The following OSBPL1A variants were observed in gnomAD, a reference collection of about 807,000 sequenced individuals.
The protein encoded by OSBPL1A is oxysterol-binding protein-related protein 1.
In OSBPL1A, 80 loss-of-function variants were observed where a neutral mutation model predicts 137.1. The observed-to-expected ratio is 0.58, with a 90% CI of 0.49 to 0.70. The LOEUF (loss-of-function observed/expected upper bound fraction) is 0.70, where lower values mean the gene tolerates loss of function less well. Ranked by LOEUF, OSBPL1A falls within the 30% of genes least tolerant of loss-of-function variation. The pLI, the probability that OSBPL1A is intolerant of heterozygous loss-of-function variation, is 0.00. For missense variants in OSBPL1A, 970 were observed against 1,129.4 expected (o/e 0.86, Z 2.02); for synonymous variants, 365 against 389.7 (o/e 0.94, Z 0.75).
chr18:24,184,580 T>A (rs1037535893), intron 18 of OSBPL1A, among the ~76,000 whole-genome samples: 1 of 152,196 alleles, frequency 6.6e-6, no homozygotes, highest in African/African-American at 2.4e-5. Context: ...AATGTACTGC[T>A]CACAACCGAG....
At chr18:24,323,263 C>T (rs1418953748) in intron 7 of OSBPL1A, among the ~76,000 whole-genome samples, 1 of 151,784 alleles carries the variant, frequency 6.6e-6, no homozygotes, top group African/African-American at 2.4e-5. Context: ...ATAAAAAATA[C>T]AAAAAGAGAC....
Position 24,341,588 on chromosome 18 carries a change from T to C in OSBPL1A, c.353A>G (p.Lys118Arg). The C allele has an allele frequency of 1.9e-6, 3 of 1,613,492 alleles. No homozygotes were observed. The highest frequency in any genetic ancestry group is 2.5e-6 in the Non-Finnish European group (3 of 1,179,698). The change falls in exon 5 of 28, where the codon AAA (lysine) becomes AGA (arginine). Residue 118 changes from lysine (K) to arginine (R), a missense_variant. By Grantham distance (26) the Lys-to-Arg change is conservative (BLOSUM62 2). Coordinates refer to ENST00000319481, the MANE Select transcript of OSBPL1A (RefSeq NM_080597.4). ...GATTTCTTCAGCATGAGTAACTTCT[T>C]TTGCTGTCTGTCCACTCCCATTAAC... ...TIVNGSGQTA[K>R]EVTHAEEIRS...
At chr18:24,287,735 G>T (rs1407616659) in intron 14 of OSBPL1A, among the ~76,000 whole-genome samples, 2 of 149,064 alleles carry the variant, frequency 1.3e-5, no homozygotes, top group African/African-American at 2.5e-5. Context: ...TCGTGCCACT[G>T]CACTCCAGCC....
chr18:24,307,584 C>T lies in OSBPL1A; in HGVS notation c.1093-3866G>A, dbSNP rs188081739. Among the ~76,000 whole-genome samples the T allele has an allele frequency of 1.6e-3, 237 of 152,286 alleles. 1 individual carries two copies. The highest frequency in any genetic ancestry group is 5.2e-3 in the African/African-American group (218 of 41,556). ...TACACAAATATATATGTGTACATCC[C>T]TGTTTTTTTTCCTCCCAAGTAGTAT... On this transcript the variant is annotated intron_variant, in intron 13 of 27. Coordinates refer to ENST00000319481, the MANE Select transcript of OSBPL1A (RefSeq NM_080597.4).
intron 17 of OSBPL1A, among the ~76,000 whole-genome samples, chr18:24,204,866 A>C (rs2087326235): frequency 6.6e-6 from 1 of 152,080 alleles, no homozygotes; most frequent in Non-Finnish European, 1.5e-5. Context: ...TCCAGCTTCT[A>C]TCTCGGTTCA....
At chr18:24,315,628 T>C (rs2090707191) in intron 11 of OSBPL1A, among the ~76,000 whole-genome samples, 1 of 76,988 alleles carries the variant, frequency 1.3e-5, no homozygotes. Context: ...TATAATTAAT[T>C]ATATATATTA....
At chr18:24,355,233 A>T (rs918259484) in intron 4 of OSBPL1A, among the ~76,000 whole-genome samples, 1 of 151,672 alleles carries the variant, frequency 6.6e-6, no homozygotes. Context: ...CCCACTTATT[A>T]AGGCTCACGC....
chr18:24,178,216 A>G (rs751355069), intron 20 of OSBPL1A, 21 bp from the exon 21 acceptor site: 10 of 1,522,068 alleles, frequency 6.6e-6, no homozygotes, highest in Non-Finnish European at 8.0e-6. Context: ...AAAAAAAAAA[A>G]AAAAGAAAAA....
chr18:24,183,624 C>T (rs1244156588), intron 18 of OSBPL1A, among the ~76,000 whole-genome samples: 1 of 151,546 alleles, frequency 6.6e-6, no homozygotes, highest in Admixed American at 6.6e-5. Context: ...TTAGTAGAGA[C>T]GGGGTTTCAC....
intron 1 of OSBPL1A, among the ~76,000 whole-genome samples, chr18:24,386,504 A>G (rs1245943353): frequency 1.3e-5 from 2 of 152,238 alleles, no homozygotes; most frequent in East Asian, 3.8e-4. Flanking sequence ...ATGAAACTTT[A>G]GACTTAACCA....
chr18:24,311,047 C>T (rs989279194), intron 13 of OSBPL1A, among the ~76,000 whole-genome samples: 1 of 152,156 alleles, frequency 6.6e-6, no homozygotes, highest in Admixed American at 6.5e-5. Context: ...AAGGAGTTGT[C>T]ATCAATTCTG....
chr18:24,293,590 G>A (rs1233004871), intron 14 of OSBPL1A, among the ~76,000 whole-genome samples: 1 of 152,178 alleles, frequency 6.6e-6, no homozygotes, highest in Non-Finnish European at 1.5e-5. Context: ...GAAAGACCTA[G>A]GGAAGGAAGG....
chr18:24,396,659 G>T (rs2144300055), intron 1 of OSBPL1A, among the ~76,000 whole-genome samples: 1 of 142,160 alleles, frequency 7.0e-6, no homozygotes, highest in South Asian at 2.5e-4. Flanking sequence ...CTGTAATTAA[G>T]AAATCTTCAC....
intron 24 of OSBPL1A, among the ~76,000 whole-genome samples, chr18:24,168,066 T>G: frequency 6.6e-6 from 1 of 152,224 alleles, no homozygotes; most frequent in East Asian, 1.9e-4. Context: ...TTTAAGGCTG[T>G]TTCCTTCTTA....
In OSBPL1A at chr18:24,239,361, G is replaced by A. The variant is rs774615679; in HGVS notation, c.1303C>T (p.Gln435Ter). 9.9e-6 allele frequency: 16 copies of A among 1,613,798 alleles called. No homozygotes were observed. The South Asian group carries it at 1.8e-4, about 18-fold the overall frequency. The change falls in exon 16 of 28, where the codon CAA (glutamine) becomes TAA (stop). Residue 435 changes from glutamine (Q) to a stop codon, truncating the protein, a stop_gained. Coordinates refer to ENST00000319481, the MANE Select transcript of OSBPL1A (RefSeq NM_080597.4). LOFTEE classifies it high-confidence loss of function. ...QEGVRNFKLE[Q>*]EQEKNKILSE... ...AAGATTTTGTTTTTTTCTTGCTCTT[G>A]TTCCAATTTAAAATTCCTCACCTAG... is the stretch of plus-strand genomic sequence containing the variant.
intron 2 of OSBPL1A, among the ~76,000 whole-genome samples, chr18:24,372,470 G>A (rs750464236): frequency 3.9e-4 from 59 of 152,152 alleles, no homozygotes; most frequent in East Asian, 9.7e-4. Flanking sequence ...GTCGTCCTCC[G>A]TACACACACT....
In OSBPL1A at chr18:24,271,878, G is replaced by A; in HGVS notation, c.1281+8964C>T. On this transcript the variant is annotated intron_variant, in intron 15 of 27. Coordinates refer to ENST00000319481, the MANE Select transcript of OSBPL1A (RefSeq NM_080597.4). This position sits in a 1 kb window ranked among gnomAD's most constrained non-coding sequence, Gnocchi z 4.0. ...AGAGGCGTTGCCCGCCAGCGGCCCA[G>A]GACTCCCGCGCCGCGCCCGCCCGGG... 6.1e-6 allele frequency: 6 copies of A among 984,900 alleles called. No individual in the cohort carries two copies. Among genetic ancestry groups the A allele is most frequent in the Non-Finnish European group, 7.2e-6 (6 of 829,808 alleles). 61.0% of individuals were successfully genotyped at this position (984,900 alleles called of 1,614,324 possible).
At chr18:24,391,273 C>T (rs779603246) in intron 1 of OSBPL1A, among the ~76,000 whole-genome samples, 9 of 152,072 alleles carry the variant, frequency 5.9e-5, no homozygotes, top group East Asian at 3.9e-4. Flanking sequence ...TGGTGGTTGC[C>T]GGTGGCTCGG....
At chr18:24,232,957 T>C (rs2088328858) in intron 16 of OSBPL1A, among the ~76,000 whole-genome samples, 2 of 152,260 alleles carry the variant, frequency 1.3e-5, no homozygotes, top group Non-Finnish European at 2.9e-5. Context: ...TATCGGATTT[T>C]ATGCATTATT....
Sources: gnomAD v4.1 joint callset for allele counts (sites outside exome capture counted in the v4.1 genomes callset) on GRCh38, gnomAD v4.1.1 for gene constraint, Gnocchi (gnomAD v3.1) non-coding constraint, MANE v1.5 for transcripts, NCBI Gene and HGNC (gene_info 2026-07-23, HGNC 2026-07-21) for gene names.